The following LEO1 variants were observed in gnomAD, a reference collection of about 807,000 sequenced individuals.
LEO1 encodes LEO1 component of Paf1/RNA polymerase II complex.
A neutral mutation model predicts 80.4 loss-of-function variants in LEO1; 34 were observed. The ratio of observed to expected loss-of-function variants is 0.42; its 90% CI spans 0.32 to 0.56. LEO1 has a LOEUF of 0.56. Ranked by LOEUF, LEO1 falls within the 20% of genes least tolerant of loss-of-function variation. LEO1 has a pLI of 0.10. For synonymous variants in LEO1, 262 were observed against 274.9 expected (o/e 0.95, Z 0.46); for missense variants, 631 against 814.2 (o/e 0.77, Z 2.74).
At chr15:51,954,896 G>A (rs985035019) in intron 6 of LEO1, 1 of 198,550 alleles carries the variant, frequency 5.0e-6, no homozygotes, top group African/African-American at 2.3e-5. Context: ...GAATTACAAG[G>A]GTCAGGCGAT....
At chr15:51,940,495 A>G (rs2056841510) in intron 11 of LEO1, among the ~76,000 whole-genome samples, 1 of 150,810 alleles carries the variant, frequency 6.6e-6, no homozygotes, top group East Asian at 2.0e-4. Context: ...CGGGAGATGG[A>G]GGTTGCAGTG....
chr15:51,956,518 T>C (rs2056991216), intron 6 of LEO1, among the ~76,000 whole-genome samples: 9 of 151,568 alleles, frequency 5.9e-5, no homozygotes, highest in Non-Finnish European at 1.5e-5. Context: ...CAAATAGTAA[T>C]GATGCTATAA....
In LEO1 at chr15:51,965,918, T is replaced by C. The variant is rs750586667; in HGVS notation, c.645A>G (p.Glu215=). 1.2e-6 allele frequency: 2 copies of C among 1,613,884 alleles called. No individual in the cohort carries two copies. Residue 215 remains glutamate (E), a synonymous_variant, in exon 2 of 12, where the codon GAA becomes GAG. Transcript: ENST00000299601. The part of the protein sequence containing the change: ...SEEEKANSDD[E]RPVASDNDDE... ...CATCATTATCAGAAGCTACCGGCCG[T>C]TCATCATCAGAATTAGCCTTTTCCT...
At chr15:51,951,652 G>C in intron 9 of LEO1, among the ~76,000 whole-genome samples, 192 bp downstream of exon 9, 1 of 152,162 alleles carries the variant, frequency 6.6e-6, no homozygotes, top group Non-Finnish European at 1.5e-5. Flanking sequence ...CCTGAGCCCT[G>C]TTTCTGTTTT....
At position 51,938,131 on chromosome 15, in the gene LEO1, A is replaced by T. The variant is rs2056816553; in HGVS notation, c.*25T>A. 8.5e-7 allele frequency: 1 copy of T among 1,178,664 alleles called. No individual in the cohort carries two copies. Among genetic ancestry groups the T allele is most frequent in the Non-Finnish European group, 1.2e-6 (1 of 802,900 alleles). 73.0% of individuals were successfully genotyped at this position (1,178,664 alleles called of 1,614,324 possible). A position where few individuals can be genotyped will look rare whatever the true frequency, so the allele number is the denominator to read the frequency against. ...TATTTATAACTGTACAATAAAATAT[A>T]TAAAATGTTTTCATATTTCATACTT... On this transcript the variant is annotated 3_prime_UTR_variant, in exon 12 of 12. Coordinates refer to ENST00000299601, the MANE Select transcript of LEO1 (RefSeq NM_138792.4).
intron 10 of LEO1, among the ~76,000 whole-genome samples, chr15:51,947,877 A>G (rs1286646749): frequency 6.6e-6 from 1 of 152,212 alleles, no homozygotes; most frequent in Admixed American, 6.5e-5. Context: ...ATATGCGGAA[A>G]TGAAGCAGAC....
chr15:51,954,184 A>G (rs1390065906), intron 7 of LEO1, among the ~76,000 whole-genome samples: 2 of 150,956 alleles, frequency 1.3e-5, no homozygotes, highest in African/African-American at 4.9e-5. Context: ...CGGCCTCCCA[A>G]AGTGCTGGGA....
intron 9 of LEO1, among the ~76,000 whole-genome samples, chr15:51,950,850 G>A (rs912373459): frequency 6.6e-5 from 10 of 152,188 alleles, no homozygotes; most frequent in African/African-American, 2.4e-4. Flanking sequence ...GTGGGGAGAT[G>A]CTCAAAGTGG....
chr15:51,950,217 C>G (rs1165974711), intron 9 of LEO1, among the ~76,000 whole-genome samples: 1 of 152,234 alleles, frequency 6.6e-6, no homozygotes, highest in Admixed American at 6.5e-5. Context: ...CTGACACTAA[C>G]CGGCCCAACT....
intron 11 of LEO1, among the ~76,000 whole-genome samples, chr15:51,942,921 CAAAA>C (rs546843495): frequency 1.7e-5 from 1 of 58,928 alleles, no homozygotes; most frequent in African/African-American, 6.0e-5. Context: ...GACTTTGTCT[CAAAA>C]AAAAAAAAAA....
intron 2 of LEO1, among the ~76,000 whole-genome samples, chr15:51,963,506 A>G (rs1450078202): frequency 6.6e-6 from 1 of 152,218 alleles, no homozygotes; most frequent in Non-Finnish European, 1.5e-5. Flanking sequence ...CAGAATGACC[A>G]GCTACAAGGT....
At position 51,966,380 on chromosome 15, in the gene LEO1, C is replaced by A; in HGVS notation, c.183G>T (p.Leu61=). The A allele has an allele frequency of 6.2e-7, 1 of 1,614,192 alleles. No homozygotes were observed. ...GDSGQPSNKE[L]FGDDSEDEGA... ...CCTCGTCCTCACTGTCATCTCCAAA[C>A]AGTTCCTTATTACTTGGTTGTCCTG... is the stretch of plus-strand genomic sequence containing the variant. The change falls in exon 2 of 12, where the codon CTG becomes CTT. Residue 61 remains leucine (L), a synonymous_variant. Coordinates refer to ENST00000299601, the MANE Select transcript of LEO1 (RefSeq NM_138792.4).
chr15:51,940,254 CAAAAAAAAAAAAA>C (rs745641318), intron 11 of LEO1, among the ~76,000 whole-genome samples: 5 of 37,936 alleles, frequency 1.3e-4, no homozygotes, highest in East Asian at 1.6e-3. Flanking sequence ...GACTCCGTAT[CAAAAAAAAAAAAA>C]AAAAAAAAAA....
intron 6 of LEO1, among the ~76,000 whole-genome samples, chr15:51,956,002 C>G (rs949297568): frequency 3.9e-5 from 6 of 152,150 alleles, no homozygotes; most frequent in African/African-American, 1.4e-4. Flanking sequence ...GTCATGGGCA[C>G]ATGAAAGAGT....
chr15:51,943,302 T>C (rs1214845687), intron 11 of LEO1, among the ~76,000 whole-genome samples: 2 of 139,900 alleles, frequency 1.4e-5, no homozygotes, highest in African/African-American at 5.4e-5. Flanking sequence ...TCGCTTGAAT[T>C]CGGGAGGCGG....
intron 9 of LEO1, 42 bp downstream of exon 9, chr15:51,951,802 A>G: frequency 1.3e-6 from 2 of 1,577,884 alleles, no homozygotes; most frequent in Non-Finnish European, 1.7e-6. Context: ...TGCCTAATAT[A>G]CCAAAGAATC....
At chr15:51,953,681 AATTT>A (rs2056966411) in intron 7 of LEO1, among the ~76,000 whole-genome samples, 1 of 152,070 alleles carries the variant, frequency 6.6e-6, no homozygotes, top group South Asian at 2.1e-4. Flanking sequence ...TTTTACACAG[AATTT>A]GGAAGGAACG....
chr15:51,941,339 A>C (rs2056850624), intron 11 of LEO1, among the ~76,000 whole-genome samples: 1 of 152,214 alleles, frequency 6.6e-6, no homozygotes, highest in Non-Finnish European at 1.5e-5. Context: ...TACAGTCATG[A>C]ATGCAGGTCC....
Position 51,966,126 on chromosome 15 carries a change from C to T in LEO1, c.437G>A (p.Gly146Asp), listed in dbSNP as rs747175202. Reference protein sequence around the residue: ...EKAHSDDEKWGREDKSDQSDD... With the variant: ...EKAHSDDEKWDREDKSDQSDD... ...TGACTGGTCACTTTTATCTTCTCTGCCCCATTTTTCATCATCTGAATGTGC... is the reference window on the plus strand; with the variant it reads ...TGACTGGTCACTTTTATCTTCTCTGTCCCATTTTTCATCATCTGAATGTGC... Residue 146 changes from glycine to aspartate, a missense_variant, in exon 2 of 12, where the codon GGC (glycine) becomes GAC (aspartate). Physicochemically the swap from Gly to Asp is moderately conservative, Grantham distance 94. This residue lies in a region of LEO1 where 394 missense variants were observed against 395.6 expected (regional missense o/e 1.00). Coordinates refer to ENST00000299601, the MANE Select transcript of LEO1 (RefSeq NM_138792.4). 2.9e-5 allele frequency: 47 copies of T among 1,613,828 alleles called. No homozygotes were observed. Among genetic ancestry groups the T allele is most frequent in the Non-Finnish European group, 3.9e-5 (46 of 1,180,008 alleles).
Sources: allele counts gnomAD v4.1 joint callset (sites outside exome capture counted in the v4.1 genomes callset), GRCh38; gene constraint gnomAD v4.1.1; regional missense constraint gnomAD v4.1.1; transcripts MANE v1.5; gene names NCBI Gene and HGNC (gene_info 2026-07-23, HGNC 2026-07-21).